The following XRCC5 variants were observed in gnomAD, a reference collection of about 807,000 sequenced individuals.
XRCC5 encodes the protein DNA repair protein Ku80.
XRCC5 carries 12 observed loss-of-function variants against 95.7 expected under a neutral mutation model. That is an observed-to-expected ratio of 0.13 (90% CI 0.08 to 0.20). XRCC5 has a LOEUF of 0.20. Ranked by LOEUF, XRCC5 falls within the 10% of genes least tolerant of loss-of-function variation. The pLI, the probability that XRCC5 is intolerant of heterozygous loss-of-function variation, is 1.00. For synonymous variants in XRCC5, 281 were observed against 290.3 expected, an observed-to-expected ratio of 0.97 and a Z score of 0.33; for missense variants, 595 against 873.9, an observed-to-expected ratio of 0.68 and a Z score of 4.02.
At chr2:216,189,451 T>C (rs1689574080) in intron 16 of XRCC5, among the ~76,000 whole-genome samples, 1 of 152,212 alleles carries the variant, frequency 6.6e-6, no homozygotes, top group Non-Finnish European at 1.5e-5. Flanking sequence ...TTAGATTTCC[T>C]TTTTCCTCTG....
At chr2:216,181,241 C>G (rs1689381178) in intron 16 of XRCC5, among the ~76,000 whole-genome samples, 1 of 152,184 alleles carries the variant, frequency 6.6e-6, no homozygotes, top group Non-Finnish European at 1.5e-5. Flanking sequence ...TTCAGGCTTT[C>G]ATTATTTTAT....
intron 2 of XRCC5, among the ~76,000 whole-genome samples, chr2:216,115,910 A>G (rs1040415904): frequency 2.0e-5 from 3 of 151,800 alleles, no homozygotes; most frequent in Non-Finnish European, 2.9e-5. Flanking sequence ...ATTACCATGT[A>G]TATTTTATAC....
chr2:216,173,359 C>G (rs890117524), intron 16 of XRCC5, among the ~76,000 whole-genome samples: 4 of 151,936 alleles, frequency 2.6e-5, no homozygotes, highest in Non-Finnish European at 5.9e-5. Flanking sequence ...TAAGTTTTAC[C>G]CAGATTTCCT....
intron 17 of XRCC5, among the ~76,000 whole-genome samples, chr2:216,191,653 C>T (rs1250981123): frequency 2.0e-5 from 3 of 152,096 alleles, no homozygotes; most frequent in Non-Finnish European, 2.9e-5. Context: ...ACAGGTTATT[C>T]GCCCACCTTG....
intron 1 of XRCC5, 40 bp downstream of exon 1, chr2:216,109,497 G>C: frequency 6.2e-7 from 1 of 1,612,496 alleles, no homozygotes; most frequent in Non-Finnish European, 8.5e-7. Flanking sequence ...ACCCGGACTG[G>C]GGATCCGGAG....
chr2:216,166,496 T>A (rs1300704537), intron 16 of XRCC5, among the ~76,000 whole-genome samples: 1 of 152,222 alleles, frequency 6.6e-6, no homozygotes, highest in Non-Finnish European at 1.5e-5. Context: ...TTTCCCTACA[T>A]ACACTATTCA....
chr2:216,125,603 A>T (rs1407410603), intron 6 of XRCC5, among the ~76,000 whole-genome samples: 2 of 152,166 alleles, frequency 1.3e-5, no homozygotes, highest in Non-Finnish European at 2.9e-5. Flanking sequence ...CACATCCTCA[A>T]AGGTGTGCTG....
At chr2:216,194,518 G>A (rs757566640) in intron 18 of XRCC5, among the ~76,000 whole-genome samples, 24 of 152,196 alleles carry the variant, frequency 1.6e-4, no homozygotes, top group Non-Finnish European at 3.2e-4. Flanking sequence ...AGTTGATCAA[G>A]GAAGGCTTCA....
At chr2:216,199,808 A>ATTTTTTTTTTTTTTTTTTTTTTTTTTTT (rs879564899) in intron 19 of XRCC5, among the ~76,000 whole-genome samples, 2 of 121,890 alleles carry the variant, frequency 1.6e-5, no homozygotes, top group African/African-American at 3.2e-5. Flanking sequence ...TGGCATTGGG[A>ATTTTTTTTTTTTTTTTTTTTTTTTTTTT]TCTTTTTTTT....
At chr2:216,182,762 A>G (rs1270093076) in intron 16 of XRCC5, among the ~76,000 whole-genome samples, 1 of 152,224 alleles carries the variant, frequency 6.6e-6, no homozygotes, top group African/African-American at 2.4e-5. Flanking sequence ...AAAATTAGTT[A>G]CACTAGGCAG....
Position 216,130,895 on chromosome 2 carries a change from A to T in XRCC5, c.958A>T (p.Ile320Leu). 1 of 1,612,480 alleles carries T rather than the reference A, an allele frequency of 6.2e-7. No individual in the cohort carries two copies. Among genetic ancestry groups the T allele is most frequent in the African/African-American group, 1.3e-5 (1 of 74,956 alleles). ...TCCAGGGTTCCGCTATGGAAGTGAT[A>T]TAGTTCCTTTCTCTAAAGTGGATGA... ...IIQGFRYGSD[I>L]VPFSKVDEEQ... is the part of the protein sequence containing the mutation. The change falls in exon 9 of 21, where the codon ATA (isoleucine) becomes TTA (leucine). Residue 320 changes from isoleucine (I) to leucine (L), a missense_variant. By Grantham distance (5) the Ile-to-Leu change is conservative. Transcript: ENST00000392132.
chr2:216,114,116 A>G (rs1028688648), intron 2 of XRCC5, among the ~76,000 whole-genome samples: 6 of 152,210 alleles, frequency 3.9e-5, no homozygotes, highest in Admixed American at 3.9e-4. Context: ...GTAGTTTTGA[A>G]GAATAAAAGA....
chr2:216,195,293 G>A (rs1333026390), intron 19 of XRCC5, among the ~76,000 whole-genome samples: 1 of 150,662 alleles, frequency 6.6e-6, no homozygotes, highest in Non-Finnish European at 1.5e-5. Context: ...GAAATCCACA[G>A]TGATTCCCAC....
intron 20 of XRCC5, among the ~76,000 whole-genome samples, chr2:216,204,654 A>C (rs1392249287): frequency 6.6e-6 from 1 of 152,226 alleles, no homozygotes; most frequent in Non-Finnish European, 1.5e-5. Flanking sequence ...GGGCTGAAAA[A>C]GAGCTAGGGA....
At chr2:216,143,813 TCTC>T (rs1000236444) in intron 13 of XRCC5, among the ~76,000 whole-genome samples, 1 of 151,974 alleles carries the variant, frequency 6.6e-6, no homozygotes, top group African/African-American at 2.4e-5. Context: ...TTCACACCAT[TCTC>T]CTGCCTCAGC....
At chr2:216,198,121 G>T (rs1280031857) in intron 19 of XRCC5, among the ~76,000 whole-genome samples, 1 of 152,324 alleles carries the variant, frequency 6.6e-6, no homozygotes, top group Admixed American at 6.5e-5. Context: ...GTAAAGTGGG[G>T]TTACACTTTG....
At chr2:216,188,385 G>A (rs1302501307) in intron 16 of XRCC5, among the ~76,000 whole-genome samples, 2 of 152,140 alleles carry the variant, frequency 1.3e-5, no homozygotes, top group East Asian at 3.8e-4. Context: ...CAAAGGCAAG[G>A]GCCTTGTCTT....
intron 19 of XRCC5, among the ~76,000 whole-genome samples, chr2:216,196,512 CTGTG>C (rs1301288456): frequency 1.3e-5 from 2 of 152,000 alleles, no homozygotes; most frequent in African/African-American, 2.4e-5. Flanking sequence ...GTGCGTGTGT[CTGTG>C]TGTGTGTATG....
chr2:216,175,815 G>A (rs1689261722), intron 16 of XRCC5: 1 of 437,780 alleles, frequency 2.3e-6, no homozygotes, highest in African/African-American at 2.1e-5. Flanking sequence ...ATGTTTGCTT[G>A]GGGTTCTGTC....
Sources: allele counts gnomAD v4.1 joint callset (sites outside exome capture counted in the v4.1 genomes callset), GRCh38; gene constraint gnomAD v4.1.1; transcripts MANE v1.5; gene names NCBI Gene and HGNC (gene_info 2026-07-23, HGNC 2026-07-21).